GLIPR1L1: variants seen among roughly 807,000 people sequenced by gnomAD.
GLIPR1L1 encodes GLIPR1 like 1, also known as GLIPR1-like protein 1.
GLIPR1L1 carries 26 observed loss-of-function variants against 29.9 expected under a neutral mutation model. The ratio of observed to expected loss-of-function variants is 0.87; its 90% CI spans 0.64 to 1.21. The LOEUF is 1.21. Ranked by LOEUF, GLIPR1L1 falls within the 50% of genes most tolerant of loss-of-function variation. The pLI, the probability that GLIPR1L1 is intolerant of heterozygous loss-of-function variation, is 0.00. For synonymous variants in GLIPR1L1, 77 were observed against 97.5 expected (o/e 0.79, Z 1.24); for missense variants, 305 against 290.3 (o/e 1.05, Z -0.37).
chr12:75,355,244 A>T (rs1341940583), intron 3 of GLIPR1L1, among the ~76,000 whole-genome samples: 2 of 152,240 alleles, frequency 1.3e-5, no homozygotes, highest in African/African-American at 4.8e-5. Context: ...ACAAAGGTCT[A>T]ATATCCAGAA....
At chr12:75,365,946 T>G (rs1011240427) in intron 4 of GLIPR1L1, among the ~76,000 whole-genome samples, 5 of 152,180 alleles carry the variant, frequency 3.3e-5, no homozygotes, top group Non-Finnish European at 7.4e-5. Flanking sequence ...TATAGTTTTA[T>G]AACCCTTATG....
chr12:75,350,983 C>T (rs1197131422), intron 3 of GLIPR1L1, among the ~76,000 whole-genome samples: 8 of 152,118 alleles, frequency 5.3e-5, no homozygotes, highest in Admixed American at 5.2e-4. Flanking sequence ...ACCAGAATAA[C>T]CAGTTTAGAG....
chr12:75,344,070 G>C, intron 2 of GLIPR1L1, 132 bp downstream of exon 2: 1 of 655,714 alleles, frequency 1.5e-6, no homozygotes, highest in Non-Finnish European at 2.5e-6. Context: ...CATAGGTCTT[G>C]AGCAATTTAA....
At chr12:75,345,031 GT>G (rs1313123084) in intron 2 of GLIPR1L1, among the ~76,000 whole-genome samples, 1 of 152,116 alleles carries the variant, frequency 6.6e-6, no homozygotes, top group Non-Finnish European at 1.5e-5. Context: ...TCACATACAT[GT>G]TTTGATTAGT....
chr12:75,359,908 T>C (rs370358171), intron 3 of GLIPR1L1: 4 of 152,134 alleles, frequency 2.6e-5, no homozygotes, highest in African/African-American at 9.7e-5. Flanking sequence ...ATAGGTTTAA[T>C]TGACTACAGT....
chr12:75,338,322 A>G (rs1170168054), intron 1 of GLIPR1L1, among the ~76,000 whole-genome samples: 2 of 152,192 alleles, frequency 1.3e-5, no homozygotes. Context: ...ACAAAACTGG[A>G]AACACCATTA....
chr12:75,350,616 G>A (rs2042742298), intron 3 of GLIPR1L1, among the ~76,000 whole-genome samples: 1 of 151,982 alleles, frequency 6.6e-6, no homozygotes, highest in Non-Finnish European at 1.5e-5. Context: ...ACAGAAAAGG[G>A]GCCTTACTGC....
intron 3 of GLIPR1L1, among the ~76,000 whole-genome samples, chr12:75,350,749 G>A (rs147273824): frequency 2.6e-5 from 4 of 152,286 alleles, no homozygotes; most frequent in Non-Finnish European, 4.4e-5. Context: ...AAGAATCAAC[G>A]CAAAAATGCT....
rs553689295 is a variant in GLIPR1L1 at position 75,361,889 on chromosome 12, A to G, written c.522-1213A>G. Among the ~76,000 whole-genome samples, 9 of 152,308 alleles carry G rather than the reference A, an allele frequency of 5.9e-5. No homozygotes were observed. In the South Asian group the frequency reaches 8.3e-4, roughly 14 times the overall value. ...TTGGGTGGGGACACAGAGCCAAACC[A>G]TATCAATAGACCTAAATGTAAAACC... On this transcript the variant is annotated intron_variant, in intron 3 of 5. Coordinates refer to ENST00000378695, the MANE Select transcript of GLIPR1L1 (RefSeq NM_001304964.2).
chr12:75,335,579 T>C (rs2041675622), intron 1 of GLIPR1L1, among the ~76,000 whole-genome samples: 1 of 152,186 alleles, frequency 6.6e-6, no homozygotes, highest in Admixed American at 6.5e-5. Context: ...GTAGATACAG[T>C]ATAACTCATA....
Position 75,334,787 on chromosome 12 carries a change from C to A in GLIPR1L1, c.59C>A (p.Thr20Asn). 1.2e-6 allele frequency: 2 copies of A among 1,614,094 alleles called. No individual in the cohort carries two copies. The highest frequency in any genetic ancestry group is 1.7e-6 in the Non-Finnish European group (2 of 1,179,958). Residue 20 changes from threonine to asparagine, a missense_variant, in exon 1 of 6, where the codon ACT (threonine) becomes AAT (asparagine). Transcript: ENST00000378695. ...LWILGLCLVA[T>N]TSSKIPSITD... ...ATCTTGGGTCTGTGTTTGGTAGCCACTACATCTTCCAAAATCCCATCCATC... is the reference window on the plus strand; with the variant it reads ...ATCTTGGGTCTGTGTTTGGTAGCCAATACATCTTCCAAAATCCCATCCATC...
chr12:75,366,761 AC>A, intron 4 of GLIPR1L1: 1 of 640,354 alleles, frequency 1.6e-6, no homozygotes, highest in Admixed American at 2.4e-5. Flanking sequence ...AGTCATTTCC[AC>A]GCTCTTATGT....
At chr12:75,335,320 A>G (rs1454853302) in intron 1 of GLIPR1L1, among the ~76,000 whole-genome samples, 1 of 152,202 alleles carries the variant, frequency 6.6e-6, no homozygotes, top group Admixed American at 6.5e-5. Flanking sequence ...TTTATATCAT[A>G]TGAATCCAAG....
chr12:75,363,739 C>T (rs2043777071), intron 4 of GLIPR1L1, among the ~76,000 whole-genome samples: 1 of 152,086 alleles, frequency 6.6e-6, no homozygotes, highest in Non-Finnish European at 1.5e-5. Context: ...GAGATTTATT[C>T]TGAGCAAACA....
At position 75,355,867 on chromosome 12, in the gene GLIPR1L1, T is replaced by G. The variant is rs543005419; in HGVS notation, c.522-7235T>G. 2.0e-4 allele frequency among the ~76,000 whole-genome samples: 30 copies of G among 152,226 alleles called. No homozygotes were observed. In the East Asian group the frequency reaches 5.4e-3, roughly 27 times the overall value. Reference sequence around the variant, plus strand: ...CTAGAAGCTATTATTCTTAGCAAACTAATGCAGGAACAGAAAAACCAAACA... The same window carrying G: ...CTAGAAGCTATTATTCTTAGCAAACGAATGCAGGAACAGAAAAACCAAACA... On this transcript the variant is annotated intron_variant, in intron 3 of 5. Coordinates refer to ENST00000378695, the MANE Select transcript of GLIPR1L1 (RefSeq NM_001304964.2).
At chr12:75,356,416 A>G (rs1012004058) in intron 3 of GLIPR1L1, among the ~76,000 whole-genome samples, 4 of 152,194 alleles carry the variant, frequency 2.6e-5, no homozygotes, top group African/African-American at 7.2e-5. Context: ...GTGATATTGT[A>G]TATGTAAAAT....
intron 3 of GLIPR1L1, among the ~76,000 whole-genome samples, chr12:75,357,709 C>A (rs2043244099): frequency 6.6e-6 from 1 of 151,886 alleles, no homozygotes; most frequent in Non-Finnish European, 1.5e-5. Flanking sequence ...AAACCATTGT[C>A]CAATGTCCAA....
intron 4 of GLIPR1L1, among the ~76,000 whole-genome samples, chr12:75,363,598 G>C (rs551140130): frequency 6.6e-6 from 1 of 152,168 alleles, no homozygotes; most frequent in African/African-American, 2.4e-5. Flanking sequence ...TCTCTTTCAT[G>C]ATCAGCTTTT....
chr12:75,336,207 T>C (rs1268259972), intron 1 of GLIPR1L1, among the ~76,000 whole-genome samples: 1 of 151,886 alleles, frequency 6.6e-6, no homozygotes, highest in Non-Finnish European at 1.5e-5. Flanking sequence ...ATTAAAAATA[T>C]ACAAAGAAGT....
Sources: gnomAD v4.1 joint callset for allele counts (sites outside exome capture counted in the v4.1 genomes callset) on GRCh38, gnomAD v4.1.1 for gene constraint, MANE v1.5 for transcripts, NCBI Gene and HGNC (gene_info 2026-07-23, HGNC 2026-07-21) for gene names.